The following DMRT1 variants were observed in gnomAD, a reference collection of about 807,000 sequenced individuals.
DMRT1 encodes doublesex- and mab-3-related transcription factor 1.
A neutral mutation model predicts 32.3 loss-of-function variants in DMRT1; 7 were observed. The ratio of observed to expected loss-of-function variants is 0.22; its 90% CI spans 0.12 to 0.41. DMRT1 has a LOEUF of 0.41. Ranked by LOEUF, DMRT1 falls within the 10% of genes least tolerant of loss-of-function variation. DMRT1 has a pLI of 1.00. For missense variants in DMRT1, 625 were observed against 500.5 expected, an observed-to-expected ratio of 1.25 and a Z score of -2.37; for synonymous variants, 278 against 206.1, an observed-to-expected ratio of 1.35 and a Z score of -2.99.
chr9:909,555 T>C (rs1012272151), intron 3 of DMRT1, among the ~76,000 whole-genome samples: 2 of 152,028 alleles, frequency 1.3e-5, no homozygotes, highest in African/African-American at 4.8e-5. Flanking sequence ...AACCCCAGCC[T>C]TCACACCCAG....
chr9:848,791 G>T (rs1292517005), intron 2 of DMRT1, among the ~76,000 whole-genome samples: 1 of 148,414 alleles, frequency 6.7e-6, no homozygotes, highest in Non-Finnish European at 1.5e-5. Context: ...CTGACCTCAA[G>T]TGATCCACCC....
At chr9:903,001 G>T (rs1254045752) in intron 3 of DMRT1, among the ~76,000 whole-genome samples, 1 of 152,172 alleles carries the variant, frequency 6.6e-6, no homozygotes, top group African/African-American at 2.4e-5. Context: ...AAAGTTTAAA[G>T]CCAGTGGAAT....
intron 2 of DMRT1, among the ~76,000 whole-genome samples, chr9:882,600 C>G (rs563677839): frequency 3.9e-5 from 6 of 152,138 alleles, no homozygotes; most frequent in Admixed American, 3.9e-4. Context: ...CTTTGACACT[C>G]TGGGCTTTTC....
chr9:876,658 A>C (rs73386403), intron 2 of DMRT1, among the ~76,000 whole-genome samples: 2,763 of 152,046 alleles, frequency 0.018, 84 homozygotes, highest in African/African-American at 0.062. Flanking sequence ...CAGCCTCCTG[A>C]GTAGCTGGGT....
At chr9:962,003 G>A (rs1489915085) in intron 4 of DMRT1, among the ~76,000 whole-genome samples, 3 of 152,156 alleles carry the variant, frequency 2.0e-5, no homozygotes, top group African/African-American at 7.2e-5. Flanking sequence ...GGAGAGCAGA[G>A]GAGAGCAAAG....
At chr9:897,144 G>A (rs918217642) in intron 3 of DMRT1, among the ~76,000 whole-genome samples, 2 of 149,236 alleles carry the variant, frequency 1.3e-5, no homozygotes, top group East Asian at 2.0e-4. Flanking sequence ...ACAGATTCTC[G>A]CTCTGTCGCC....
chr9:888,963 T>C (rs1425576462), intron 2 of DMRT1, among the ~76,000 whole-genome samples: 1 of 145,790 alleles, frequency 6.9e-6, no homozygotes, highest in Non-Finnish European at 1.5e-5. Flanking sequence ...CCCATCTGTA[T>C]TAAAAAAAAA....
At chr9:922,952 G>C (rs115451582) in intron 4 of DMRT1, among the ~76,000 whole-genome samples, 2,027 of 152,302 alleles carry the variant, frequency 0.013, 39 homozygotes, top group African/African-American at 0.046. Flanking sequence ...ATGCTCCTCT[G>C]TGATGTGTAA....
chr9:844,692 A>G (rs941819649), intron 1 of DMRT1, among the ~76,000 whole-genome samples: 4 of 149,450 alleles, frequency 2.7e-5, no homozygotes, highest in African/African-American at 9.8e-5. Flanking sequence ...CAACATATAA[A>G]TTGTAGTTGT....
intron 4 of DMRT1, among the ~76,000 whole-genome samples, chr9:944,880 A>T (rs567586717): frequency 2.0e-4 from 30 of 152,178 alleles, no homozygotes; most frequent in African/African-American, 7.2e-4. Context: ...TGCTTTGGAA[A>T]GCACATGACC....
intron 4 of DMRT1, among the ~76,000 whole-genome samples, chr9:941,995 T>C (rs11790375): frequency 0.17 from 25,836 of 152,182 alleles, 3,006 homozygotes; most frequent in African/African-American, 0.33. Context: ...TATCCCAGTT[T>C]GTGGTATCCT....
chr9:894,492 T>A (rs187107586), intron 3 of DMRT1: 2 of 441,516 alleles, frequency 4.5e-6, no homozygotes, highest in Non-Finnish European at 8.4e-6. Flanking sequence ...CAAATTTTAC[T>A]TTTCTCATTT....
intron 2 of DMRT1, among the ~76,000 whole-genome samples, chr9:863,859 C>A (rs928855126): frequency 6.6e-6 from 1 of 152,254 alleles, no homozygotes; most frequent in East Asian, 1.9e-4. Context: ...TTCTCTGAAC[C>A]ATCTATGTCC....
intron 2 of DMRT1, among the ~76,000 whole-genome samples, chr9:867,055 G>A (rs1816023351): frequency 6.6e-6 from 1 of 152,068 alleles, no homozygotes; most frequent in African/African-American, 2.4e-5. Context: ...TGTATGACTT[G>A]GAGAGAAGGA....
intron 2 of DMRT1, among the ~76,000 whole-genome samples, chr9:852,761 C>A (rs1473328177): frequency 6.6e-6 from 1 of 152,216 alleles, no homozygotes; most frequent in African/African-American, 2.4e-5. Context: ...CTCGGGCCCC[C>A]CTGGGCAGCT....
At chr9:842,909 T>C (rs1439201599) in intron 1 of DMRT1, 1 of 152,298 alleles carries the variant, frequency 6.6e-6, no homozygotes. Context: ...TGGGAGGGTT[T>C]ATTGCGCTAG....
intron 2 of DMRT1, among the ~76,000 whole-genome samples, chr9:861,939 T>G (rs1447109108): frequency 9.1e-6 from 1 of 109,790 alleles, no homozygotes; most frequent in Non-Finnish European, 1.9e-5. Flanking sequence ...ACATCCCAGA[T>G]GATGGGCGGG....
chr9:861,750 G>C (rs966326179), intron 2 of DMRT1, among the ~76,000 whole-genome samples: 1 of 150,786 alleles, frequency 6.6e-6, no homozygotes, highest in Non-Finnish European at 1.5e-5. Flanking sequence ...CCTCCTGGAC[G>C]GGGCGGCTGC....
chr9:956,043 G>A (rs1819588987), intron 4 of DMRT1, among the ~76,000 whole-genome samples: 1 of 152,198 alleles, frequency 6.6e-6, no homozygotes, highest in Admixed American at 6.5e-5. Context: ...GTGCATGGAT[G>A]GATAAACAAA....
Sources: gnomAD v4.1 joint callset for allele counts (sites outside exome capture counted in the v4.1 genomes callset) on GRCh38, gnomAD v4.1.1 for gene constraint, MANE v1.5 for transcripts, NCBI Gene and HGNC (gene_info 2026-07-23, HGNC 2026-07-21) for gene names.